Variants in SPMIP7 observed in about 807,000 individuals in gnomAD.
The protein encoded by SPMIP7 is protein SPMIP7.
chr7:50,156,253 T>C, the SPMIP7 span, among the ~76,000 whole-genome samples: 100 of 152,240 alleles, frequency 6.6e-4, no homozygotes, highest in African/African-American at 2.3e-3. Flanking sequence ...TATAATTTAT[T>C]TTTCTAAAAT....
At chr7:50,107,628 A>G in the SPMIP7 span, among the ~76,000 whole-genome samples, 118,108 of 151,888 alleles carry the variant, frequency 0.78, 46,038 homozygotes, top group East Asian at 0.88. Context: ...ATATAGGCAG[A>G]AAAAATAACA....
chr7:50,099,608 A>G, the SPMIP7 span, among the ~76,000 whole-genome samples: 20 of 152,280 alleles, frequency 1.3e-4, no homozygotes, highest in East Asian at 1.7e-3. Flanking sequence ...TTTCCTTCCC[A>G]AGTGAATCTG....
the SPMIP7 span, chr7:50,133,959 C>T: frequency 1.7e-6 from 1 of 605,976 alleles, no homozygotes; most frequent in South Asian, 2.4e-5. Context: ...GCCTACTGTC[C>T]AGGGGAGGTG....
the SPMIP7 span, among the ~76,000 whole-genome samples, chr7:50,125,306 ATACC>A: frequency 1.8e-5 from 2 of 108,246 alleles, no homozygotes; most frequent in Non-Finnish European, 4.0e-5. Flanking sequence ...ACACATATAT[ATACC>A]CATATATACA....
the SPMIP7 span, among the ~76,000 whole-genome samples, chr7:50,133,918 G>A: frequency 6.6e-6 from 1 of 152,046 alleles, no homozygotes; most frequent in Admixed American, 6.6e-5. Context: ...ACATAACACA[G>A]GAGTACTACC....
chr7:50,125,115 T>TATATATATATATACAC, the SPMIP7 span, among the ~76,000 whole-genome samples: 3 of 25,420 alleles, frequency 1.2e-4, no homozygotes, highest in South Asian at 2.3e-3. Flanking sequence ...TATATATATA[T>TATATATATATATACAC]ACACACACAC....
chr7:50,121,308 G>A, the SPMIP7 span: 46 of 152,308 alleles, frequency 3.0e-4, no homozygotes, highest in African/African-American at 1.1e-3. Context: ...ACTAACCTAC[G>A]TATGTAATAA....
the SPMIP7 span, among the ~76,000 whole-genome samples, chr7:50,138,764 A>ATTT: frequency 4.4e-3 from 620 of 140,230 alleles, 2 homozygotes; most frequent in Middle Eastern, 0.015. Context: ...TTTAAATGGG[A>ATTT]TTTTTTTTTT....
At chr7:50,150,431 C>T in the SPMIP7 span, among the ~76,000 whole-genome samples, 1 of 152,312 alleles carries the variant, frequency 6.6e-6, no homozygotes, top group South Asian at 2.1e-4. Flanking sequence ...TCTTATTCCT[C>T]CCTGAGGCCA....
At chr7:50,104,374 G>A in the SPMIP7 span, 1 of 1,537,336 alleles carries the variant, frequency 6.5e-7, no homozygotes, top group East Asian at 2.5e-5. Context: ...CGCTCATTAA[G>A]TCACATATTT....
the SPMIP7 span, chr7:50,129,716 G>C: frequency 6.5e-7 from 1 of 1,540,690 alleles, no homozygotes; most frequent in Non-Finnish European, 8.8e-7. Flanking sequence ...ATGCCTTCTA[G>C]GATGAAGGTG....
the SPMIP7 span, among the ~76,000 whole-genome samples, chr7:50,114,400 A>AT: frequency 5.3e-5 from 8 of 152,210 alleles, no homozygotes; most frequent in Admixed American, 1.3e-4. Context: ...TGCTGTTTAA[A>AT]TTTTTTTACA....
At chr7:50,099,137 C>T in the SPMIP7 span, among the ~76,000 whole-genome samples, 2 of 152,136 alleles carry the variant, frequency 1.3e-5, no homozygotes, top group Non-Finnish European at 2.9e-5. Context: ...CCGTAATGTC[C>T]TTCAGGTTCA....
chr7:50,134,450 G>A, the SPMIP7 span, among the ~76,000 whole-genome samples: 7 of 152,082 alleles, frequency 4.6e-5, no homozygotes, highest in Non-Finnish European at 8.8e-5. Flanking sequence ...ATTGATGACT[G>A]CAAATACTTT....
At chr7:50,125,277 CATATAT>C in the SPMIP7 span, among the ~76,000 whole-genome samples, 3 of 132,760 alleles carry the variant, frequency 2.3e-5, no homozygotes, top group East Asian at 2.1e-4. Context: ...TATATATACA[CATATAT>C]ACACATATAT....
the SPMIP7 span, among the ~76,000 whole-genome samples, chr7:50,149,869 T>A: frequency 1.3e-5 from 2 of 152,108 alleles, no homozygotes; most frequent in Non-Finnish European, 2.9e-5. Flanking sequence ...GCAGTGTGAA[T>A]CCTTCTCGTT....
At chr7:50,151,794 C>T in the SPMIP7 span, among the ~76,000 whole-genome samples, 5 of 152,164 alleles carry the variant, frequency 3.3e-5, no homozygotes, top group South Asian at 6.2e-4. Flanking sequence ...ACACTGAAAA[C>T]CAGGTTTAGA....
the SPMIP7 span, among the ~76,000 whole-genome samples, chr7:50,099,777 G>A: frequency 1.6e-4 from 24 of 152,288 alleles, 1 homozygote; most frequent in East Asian, 4.4e-3. Flanking sequence ...TTTTGGAGCA[G>A]CCCCAGAGAA....
the SPMIP7 span, among the ~76,000 whole-genome samples, chr7:50,128,371 A>T: frequency 6.6e-6 from 1 of 151,936 alleles, no homozygotes; most frequent in African/African-American, 2.4e-5. Context: ...ATACAGTTAG[A>T]TTCAATAATT....
Sources: gnomAD v4.1 joint callset for allele counts (sites outside exome capture counted in the v4.1 genomes callset) on GRCh38, gnomAD v4.1.1 for gene constraint, MANE v1.5 for transcripts, NCBI Gene and HGNC (gene_info 2026-07-23, HGNC 2026-07-21) for gene names.